The following GPHN variants were observed in gnomAD, a reference collection of about 807,000 sequenced individuals.
The protein encoded by GPHN is gephyrin.
In GPHN, 17 loss-of-function variants were observed where a neutral mutation model predicts 95.5. That is an observed-to-expected ratio of 0.18 (90% CI 0.12 to 0.27). The LOEUF is 0.27. GPHN is among the 10% of genes least tolerant of loss of function. GPHN has a pLI of 1.00. For missense variants in GPHN, 660 were observed against 978.1 expected, an observed-to-expected ratio of 0.67 and a Z score of 4.34; for synonymous variants, 320 against 322.5, an observed-to-expected ratio of 0.99 and a Z score of 0.08.
At chr14:67,022,059 C>A (rs529453583) in intron 9 of GPHN, among the ~76,000 whole-genome samples, 4 of 151,940 alleles carry the variant, frequency 2.6e-5, no homozygotes, top group Middle Eastern at 3.4e-3. Context: ...AATGTAGTTT[C>A]TCTCTTTATT....
At chr14:67,254,344 T>A in the GPHN span, 1 of 152,138 alleles carries the variant, frequency 6.6e-6, no homozygotes, top group Non-Finnish European at 1.5e-5. Flanking sequence ...CCTATTAGAT[T>A]TGCAGTATAG....
the GPHN span, chr14:67,579,970 G>C: frequency 8.1e-7 from 1 of 1,229,112 alleles, no homozygotes; most frequent in Non-Finnish European, 1.1e-6. Flanking sequence ...TGACTGTTTG[G>C]TAGCTCATTT....
Position 66,605,654 on chromosome 14 carries a change from C to T in GPHN, c.65-75453C>T, listed in dbSNP as rs187544831. On this transcript the variant is annotated intron_variant, in intron 1 of 22. Coordinates refer to ENST00000478722, the MANE Select transcript of GPHN (RefSeq NM_020806.5). ...ACACCATTTTCCTGCCTCAGCCTCC[C>T]GAGTAGCTGGGAGTATAGGTGCCTG... Among the ~76,000 whole-genome samples the T allele has an allele frequency of 1.6e-4, 25 of 151,556 alleles. No homozygotes were observed. The East Asian group carries it at 1.8e-3, about 11-fold the overall frequency.
At chr14:67,429,157 A>T in the GPHN span, among the ~76,000 whole-genome samples, 2 of 152,156 alleles carry the variant, frequency 1.3e-5, no homozygotes, top group African/African-American at 4.8e-5. Flanking sequence ...TAATAACAAT[A>T]ACAATGATGA....
At chr14:66,780,366 G>A (rs529524808) in intron 3 of GPHN, among the ~76,000 whole-genome samples, 3 of 152,174 alleles carry the variant, frequency 2.0e-5, no homozygotes, top group Non-Finnish European at 4.4e-5. Flanking sequence ...GGAATCTCAC[G>A]GAAAAGTTAT....
intron 1 of GPHN, among the ~76,000 whole-genome samples, chr14:66,679,976 T>A (rs2153394184): frequency 6.6e-6 from 1 of 152,304 alleles, no homozygotes; most frequent in South Asian, 2.1e-4. Context: ...TACCAAATAT[T>A]GTTTATAATA....
the GPHN span, among the ~76,000 whole-genome samples, chr14:67,341,207 G>A: frequency 4.6e-5 from 7 of 152,164 alleles, no homozygotes; most frequent in Admixed American, 1.3e-4. Flanking sequence ...GTGACTGGCC[G>A]CCATCCCATC....
intron 4 of GPHN, among the ~76,000 whole-genome samples, chr14:66,869,554 G>A (rs550559082): frequency 6.6e-6 from 1 of 152,192 alleles, no homozygotes; most frequent in South Asian, 2.1e-4. Context: ...TTCCTACGTG[G>A]CATTTGCCAG....
chr14:67,011,327 C>A (rs1294834741), intron 9 of GPHN, among the ~76,000 whole-genome samples: 1 of 151,630 alleles, frequency 6.6e-6, no homozygotes, highest in Non-Finnish European at 1.5e-5. Context: ...AATCCCAACA[C>A]TTTGGTAGGC....
the GPHN span, among the ~76,000 whole-genome samples, chr14:67,663,727 G>A: frequency 3.3e-5 from 5 of 152,052 alleles, no homozygotes; most frequent in East Asian, 1.9e-4. Flanking sequence ...TGATACTTGC[G>A]GATGGCAAAA....
intron 5 of GPHN, among the ~76,000 whole-genome samples, chr14:66,890,898 A>C (rs2064456410): frequency 6.6e-6 from 1 of 152,084 alleles, no homozygotes; most frequent in African/African-American, 2.4e-5. Flanking sequence ...TGTTAAAAAC[A>C]CTCAACAAAC....
the GPHN span, chr14:67,200,292 C>T: frequency 1.4e-6 from 1 of 694,046 alleles, no homozygotes; most frequent in South Asian, 1.7e-5. Context: ...ACCAGTTGCC[C>T]CTCGAGGCCC....
intron 1 of GPHN, among the ~76,000 whole-genome samples, chr14:66,529,161 T>C (rs1271968335): frequency 6.6e-6 from 1 of 152,112 alleles, no homozygotes; most frequent in African/African-American, 2.4e-5. Flanking sequence ...GCTTTGTTTG[T>C]TCCTTTTCAT....
intron 3 of GPHN, among the ~76,000 whole-genome samples, chr14:66,813,321 A>C (rs1012424373): frequency 5.9e-5 from 9 of 152,262 alleles, no homozygotes; most frequent in African/African-American, 1.9e-4. Context: ...CTCCCATGGA[A>C]GTACTGAGAC....
intron 5 of GPHN, among the ~76,000 whole-genome samples, chr14:66,889,224 TAAAC>T (rs1330517513): frequency 6.6e-6 from 1 of 152,010 alleles, no homozygotes. Flanking sequence ...TGTAAGAACT[TAAAC>T]AACACAATAA....
the GPHN span, among the ~76,000 whole-genome samples, chr14:67,253,834 G>A: frequency 2.7e-5 from 4 of 148,226 alleles, no homozygotes; most frequent in African/African-American, 1.0e-4. Context: ...GTGAGACCCT[G>A]TCTCAAAAAG....
chr14:67,604,465 C>A, the GPHN span, among the ~76,000 whole-genome samples: 4 of 152,032 alleles, frequency 2.6e-5, no homozygotes, highest in African/African-American at 9.7e-5. Flanking sequence ...GAGGCTGAGC[C>A]AGGAAGATCG....
chr14:67,179,043 C>T (rs1442472481), intron 21 of GPHN, among the ~76,000 whole-genome samples: 1 of 152,168 alleles, frequency 6.6e-6, no homozygotes, highest in African/African-American at 2.4e-5. Context: ...TCTTAGCCTT[C>T]TTTTCTCTTT....
At chr14:67,668,451 T>A in the GPHN span, among the ~76,000 whole-genome samples, 3 of 152,254 alleles carry the variant, frequency 2.0e-5, no homozygotes, top group Non-Finnish European at 2.9e-5. Context: ...GAATGGAGAC[T>A]GTACTTTGGA....
Sources: gnomAD v4.1 joint callset for allele counts (sites outside exome capture counted in the v4.1 genomes callset) on GRCh38, gnomAD v4.1.1 for gene constraint, MANE v1.5 for transcripts, NCBI Gene and HGNC (gene_info 2026-07-23, HGNC 2026-07-21) for gene names.